ACOT8: variants seen among roughly 807,000 people sequenced by gnomAD.
ACOT8 encodes the protein acyl-coenzyme A thioesterase 8.
ACOT8 carries 31 observed loss-of-function variants against 38.4 expected under a neutral mutation model. The ratio of observed to expected loss-of-function variants is 0.81; its 90% CI spans 0.61 to 1.09. The LOEUF (loss-of-function observed/expected upper bound fraction) is 1.09, where lower values mean the gene tolerates loss of function less well. Ranked by LOEUF, ACOT8 falls within the 50% of genes least tolerant of loss-of-function variation. ACOT8 has a pLI of 0.00. For missense variants in ACOT8, 373 were observed against 421.8 expected, an observed-to-expected ratio of 0.88 and a Z score of 1.01; for synonymous variants, 158 against 170.3, an observed-to-expected ratio of 0.93 and a Z score of 0.56.
intron 2 of ACOT8, 25 bp from the exon 3 acceptor site, chr20:45,848,700 G>T: frequency 6.4e-7 from 1 of 1,572,210 alleles, no homozygotes; most frequent in Non-Finnish European, 8.7e-7. Context: ...AGGACACAGT[G>T]GGTCCACAGG....
chr20:45,848,605 A>G lies in ACOT8; in HGVS notation c.333T>C (p.Ser111=), dbSNP rs141534494. ...TRTGSSFSVR[S]VKAVQHGKPI... is the part of the protein sequence containing the mutation. The stretch of plus-strand genomic sequence containing the variant: ...GCTTCCCATGTTGCACGGCCTTCAC[A>G]GAGCGCACCGAGAAGCTCGACCCTG... Residue 111 remains serine (S), a synonymous_variant, in exon 3 of 6, where the codon TCT becomes TCC. Coordinates refer to ENST00000217455, the MANE Select transcript of ACOT8 (RefSeq NM_005469.4). 2.3e-5 allele frequency: 37 copies of G among 1,613,728 alleles called. No homozygotes were observed. The highest frequency in any genetic ancestry group is 2.7e-5 in the Non-Finnish European group (32 of 1,179,992).
At chr20:45,850,581 C>G (rs1984996501) in intron 2 of ACOT8, among the ~76,000 whole-genome samples, 1 of 152,216 alleles carries the variant, frequency 6.6e-6, no homozygotes, top group South Asian at 2.1e-4. Context: ...GGGCCACTGT[C>G]AGTCACTTCA....
Position 45,855,042 on chromosome 20 carries a change from G to A in ACOT8, c.262+117C>T, listed in dbSNP as rs772810309. The A allele has an allele frequency of 1.8e-4, 263 of 1,429,778 alleles. 1 individual carries two copies. Among genetic ancestry groups the A allele is most frequent in the South Asian group, 5.0e-4 (38 of 76,008 alleles). The allele number at this position is 1,429,778 out of a possible 1,614,324, so 88.6% of individuals were successfully genotyped here. ...GACACCTCTTAGGGTGGTAGTGTCC[G>A]CCACCCCTCCCCTTGTCTTCCAGTC... On this transcript the variant is annotated intron_variant, in intron 2 of 5. Transcript: ENST00000217455.
At chr20:45,844,001 G>A in intron 4 of ACOT8, 1 of 787,190 alleles carries the variant, frequency 1.3e-6, no homozygotes, top group Non-Finnish European at 2.0e-6. Context: ...ATACTTTATA[G>A]TTAGCAGCAA....
chr20:45,856,168 G>T lies in ACOT8; in HGVS notation c.129-876C>A, dbSNP rs536864347. Among the ~76,000 whole-genome samples, 3 of 152,206 alleles carry T rather than the reference G, an allele frequency of 2.0e-5. No individual in the cohort carries two copies. The East Asian group carries it at 5.8e-4, about 29-fold the overall frequency. Reference sequence around the variant, plus strand: ...GGTCCCAGCTAAACGGGAGACTGAGGCAGAAGGGTCACTTGGGCCCAGGAG... The same window carrying T: ...GGTCCCAGCTAAACGGGAGACTGAGTCAGAAGGGTCACTTGGGCCCAGGAG... On this transcript the variant is annotated intron_variant, in intron 1 of 5. Transcript: ENST00000217455.
At chr20:45,844,001 G>GT in intron 4 of ACOT8, 1 of 787,190 alleles carries the variant, frequency 1.3e-6, no homozygotes, top group Non-Finnish European at 2.0e-6. Flanking sequence ...ATACTTTATA[G>GT]TTAGCAGCAA....
At position 45,849,980 on chromosome 20, in the gene ACOT8, G is replaced by A. The variant is rs143849535; in HGVS notation, c.263-1305C>T. On this transcript the variant is annotated intron_variant, in intron 2 of 5. Coordinates refer to ENST00000217455, the MANE Select transcript of ACOT8 (RefSeq NM_005469.4). Reference sequence around the variant, plus strand: ...TCCCAACACTTTGGGAGGCTGAGGCGGGCAGATCTTCTGAGACCAGGAGTT... The same window carrying A: ...TCCCAACACTTTGGGAGGCTGAGGCAGGCAGATCTTCTGAGACCAGGAGTT... 0.01 allele frequency among the ~76,000 whole-genome samples: 1,565 copies of A among 152,146 alleles called. 61 individuals are homozygous for A. In the East Asian group the frequency reaches 0.13, roughly 13 times the overall value.
Position 45,841,933 on chromosome 20 carries a change from C to T in ACOT8, c.865G>A (p.Gly289Arg). 2.5e-6 allele frequency: 4 copies of T among 1,613,334 alleles called. No individual in the cohort carries two copies. Among genetic ancestry groups the T allele is most frequent in the Non-Finnish European group, 3.4e-6 (4 of 1,179,978 alleles). The change falls in exon 6 of 6, where the codon GGG (glycine) becomes AGG (arginine). Residue 289 changes from glycine (G) to arginine (R), a missense_variant. Coordinates refer to ENST00000217455, the MANE Select transcript of ACOT8 (RefSeq NM_005469.4). ...ACTCCATCCTGACGCCACAGCCGCCCATGGACCAGCCCCCGAGAGCCACCT... is the reference window on the plus strand; with the variant it reads ...ACTCCATCCTGACGCCACAGCCGCCTATGGACCAGCCCCCGAGAGCCACCT... ...WAGGSRGLVH[G>R]RLWRQDGVLA...
chr20:45,857,391 G>C lies in ACOT8; in HGVS notation c.-76C>G. 6.7e-7 allele frequency: 1 copy of C among 1,503,348 alleles called. No homozygotes were observed. Among genetic ancestry groups the C allele is most frequent in the Non-Finnish European group, 8.9e-7 (1 of 1,122,710 alleles). The allele number at this position is 1,503,348 out of a possible 1,614,324, so 93.1% of individuals were successfully genotyped here. ...ACATACACAGAACCTGACTCTTCCG[G>C]CAGATTGCCCTAGTAACCGGAAGTC... On this transcript the variant is annotated 5_prime_UTR_variant, in exon 1 of 6. Transcript: ENST00000217455.
Position 45,844,272 on chromosome 20 carries a change from C to T in ACOT8, c.637G>A (p.Gly213Ser). Reference sequence around the variant, plus strand: ...CATGGGGTACTCTTACCAATATAGCCCCGGGCTCGCACCCAGAACATCTGT... The same window carrying T: ...CATGGGGTACTCTTACCAATATAGCTCCGGGCTCGCACCCAGAACATCTGT... Reference protein sequence around the residue: ...PKQMFWVRARGYIGEGDMKMH... With the variant: ...PKQMFWVRARSYIGEGDMKMH... The change falls in exon 4 of 6, where the codon GGC (glycine) becomes AGC (serine). Residue 213 changes from glycine (G) to serine (S), a missense_variant. Transcript: ENST00000217455. 1.2e-6 allele frequency: 2 copies of T among 1,614,180 alleles called. No homozygotes were observed. Among genetic ancestry groups the T allele is most frequent in the Non-Finnish European group, 1.7e-6 (2 of 1,180,040 alleles).
intron 1 of ACOT8, among the ~76,000 whole-genome samples, chr20:45,856,066 C>T (rs1240754755): frequency 6.6e-6 from 1 of 152,130 alleles, no homozygotes; most frequent in Non-Finnish European, 1.5e-5. Flanking sequence ...GAGTTCAAAA[C>T]CAGCCTGGGC....
At chr20:45,851,078 G>T (rs1179646068) in intron 2 of ACOT8, among the ~76,000 whole-genome samples, 1 of 152,162 alleles carries the variant, frequency 6.6e-6, no homozygotes. Context: ...GAAAGAAGCA[G>T]GTCTAGAGAA....
chr20:45,843,423 C>T, intron 5 of ACOT8, 104 bp downstream of exon 5: 1 of 1,429,340 alleles, frequency 7.0e-7, no homozygotes. Context: ...AAGGAAGTGA[C>T]CTGTGCAGCG....
Position 45,848,553 on chromosome 20 carries a change from G to A in ACOT8, c.385C>T (p.Gln129Ter). The A allele has an allele frequency of 6.2e-7, 1 of 1,614,142 alleles. No homozygotes were observed. The highest frequency in any genetic ancestry group is 1.1e-5 in the South Asian group (1 of 91,078). The change falls in exon 3 of 6, where the codon CAG (glutamine) becomes TAG (stop). Residue 129 changes from glutamine (Q) to a stop codon, truncating the protein, a stop_gained. Transcript: ENST00000217455. LOFTEE classifies it high-confidence loss of function. ...KPIFICQASF[Q>*]QAQPSPMQHQ... ...TGCATGGGGCTGGGCTGGGCCTGCTGGAAGGAGGCCTGGCAGATGAAGATG... is the reference window on the plus strand; with the variant it reads ...TGCATGGGGCTGGGCTGGGCCTGCTAGAAGGAGGCCTGGCAGATGAAGATG...
Position 45,848,833 on chromosome 20 carries a change from CCT to C in ACOT8, c.263-160_263-159del, listed in dbSNP as rs1984875908. 1.4e-5 allele frequency: 8 copies of C among 574,588 alleles called. No individual in the cohort carries two copies. The South Asian group carries it at 2.1e-4, about 15-fold the overall frequency. 35.6% of individuals were successfully genotyped at this position (574,588 alleles called of 1,614,324 possible). A position where few individuals can be genotyped will look rare whatever the true frequency, so the allele number is the denominator to read the frequency against. On this transcript the variant is annotated intron_variant, in intron 2 of 5. Transcript: ENST00000217455. ...CCCAGGGATACAGAGACCACCAGGC[CCT>C]GTCATCAGGCTTCTCCCTGTGCAGG...
At chr20:45,854,431 C>G (rs1259109063) in intron 2 of ACOT8, among the ~76,000 whole-genome samples, 1 of 152,072 alleles carries the variant, frequency 6.6e-6, no homozygotes, top group Non-Finnish European at 1.5e-5. Context: ...AGGATGGTCC[C>G]GATCTCCTGA....
chr20:45,847,711 C>G (rs1984773151), intron 3 of ACOT8: 1 of 150,726 alleles, frequency 6.6e-6, no homozygotes, highest in African/African-American at 2.4e-5. Context: ...GCCTGGGCAA[C>G]AAGAGCAAGA....
At chr20:45,853,731 A>G in intron 2 of ACOT8, 2 of 297,478 alleles carry the variant, frequency 6.7e-6, no homozygotes, top group Non-Finnish European at 1.3e-5. Flanking sequence ...GGCTGAGCCC[A>G]AGGTAAGTAT....
intron 3 of ACOT8, among the ~76,000 whole-genome samples, chr20:45,845,631 C>A (rs1984632892): frequency 6.6e-6 from 1 of 152,208 alleles, no homozygotes; most frequent in African/African-American, 2.4e-5. Context: ...ACAGTGACAA[C>A]CACCCATAGT....
Sources: allele counts gnomAD v4.1 joint callset (sites outside exome capture counted in the v4.1 genomes callset), GRCh38; gene constraint gnomAD v4.1.1; transcripts MANE v1.5; gene names NCBI Gene and HGNC (gene_info 2026-07-23, HGNC 2026-07-21).